The following RXRA variants were observed in gnomAD, a reference collection of about 807,000 sequenced individuals.
RXRA encodes retinoic acid receptor RXR-alpha.
Under a neutral mutation model 44.5 loss-of-function variants are expected in RXRA, and 5 were observed. The observed-to-expected ratio is 0.11, with a 90% CI of 0.06 to 0.24. RXRA has a LOEUF of 0.24. Ranked by LOEUF, RXRA falls within the 10% of genes least tolerant of loss-of-function variation. RXRA has a pLI of 1.00. For missense variants in RXRA, 412 were observed against 646.5 expected (o/e 0.64, Z 3.93); for synonymous variants, 291 against 271.4 (o/e 1.07, Z -0.71).
At chr9:134,436,391 C>T (rs1831621083) in intron 9 of RXRA, 76 bp from the exon 10 acceptor site, 1 of 1,478,712 alleles carries the variant, frequency 6.8e-7, no homozygotes, top group Non-Finnish European at 9.3e-7. Flanking sequence ...CAGCCCCATC[C>T]CCAGGGAGGC....
chr9:134,390,456 C>T (rs35100526), intron 1 of RXRA, among the ~76,000 whole-genome samples: 84,255 of 152,084 alleles, frequency 0.55, 24,516 homozygotes, highest in East Asian at 0.73. Flanking sequence ...ACAGCAGGCA[C>T]GGCAGCCAGG....
At chr9:134,413,120 G>A (rs1831176603) in intron 4 of RXRA, among the ~76,000 whole-genome samples, 1 of 152,248 alleles carries the variant, frequency 6.6e-6, no homozygotes, top group African/African-American at 2.4e-5. Context: ...AACTGGGCAA[G>A]TGACCTTGCC....
chr9:134,416,798 C>T (rs1831242396), intron 4 of RXRA, among the ~76,000 whole-genome samples: 1 of 152,194 alleles, frequency 6.6e-6, no homozygotes, highest in Non-Finnish European at 1.5e-5. Context: ...CCTCCTCTTC[C>T]AGTCACATTG....
At chr9:134,363,976 G>T (rs957595296) in intron 1 of RXRA, among the ~76,000 whole-genome samples, 22 of 152,210 alleles carry the variant, frequency 1.4e-4, no homozygotes, top group Non-Finnish European at 3.1e-4. Context: ...CTTGTGGTGG[G>T]CATACTGGGT....
chr9:134,395,691 T>C lies in RXRA; in HGVS notation c.29-5941T>C, dbSNP rs573317139. On this transcript the variant is annotated intron_variant, in intron 1 of 9. Transcript: ENST00000481739. ...CGAGGTGGGGGGCTGGACCTCCCCA[T>C]GGGGCCCCTTGGCATTGCCTTCAGG... 3.3e-5 allele frequency among the ~76,000 whole-genome samples: 5 copies of C among 152,290 alleles called. No individual in the cohort carries two copies. The South Asian group carries it at 1.0e-3, about 32-fold the overall frequency.
chr9:134,432,033 C>G (rs781010492), intron 8 of RXRA, 37 bp downstream of exon 8: 1 of 1,542,846 alleles, frequency 6.5e-7, no homozygotes, highest in Non-Finnish European at 8.9e-7. Context: ...TGGCCCCGTT[C>G]TCTGGTGGGG....
At chr9:134,346,128 T>TCTA (rs1830148282) in intron 1 of RXRA, among the ~76,000 whole-genome samples, 1 of 152,070 alleles carries the variant, frequency 6.6e-6, no homozygotes, top group South Asian at 2.1e-4. Flanking sequence ...GTCCCTCGGC[T>TCTA]CTACCACTGC....
At chr9:134,368,474 C>T (rs1196421879) in intron 1 of RXRA, among the ~76,000 whole-genome samples, 1 of 152,208 alleles carries the variant, frequency 6.6e-6, no homozygotes, top group African/African-American at 2.4e-5. Context: ...CAGAAGGCTG[C>T]AGAGAGCTGG....
intron 1 of RXRA, among the ~76,000 whole-genome samples, chr9:134,351,544 G>A (rs62576321): frequency 0.02 from 3,021 of 152,338 alleles, 102 homozygotes; most frequent in African/African-American, 0.067. Context: ...TCCCTGGCCT[G>A]TGAATATTTC....
intron 1 of RXRA, among the ~76,000 whole-genome samples, chr9:134,328,059 G>A (rs1246802878): frequency 1.3e-5 from 2 of 152,196 alleles, no homozygotes; most frequent in African/African-American, 2.4e-5. Context: ...GTACTGCTGA[G>A]TGTGAGGCAG....
intron 1 of RXRA, among the ~76,000 whole-genome samples, chr9:134,376,252 G>A (rs1173437998): frequency 1.3e-5 from 2 of 152,250 alleles, no homozygotes; most frequent in South Asian, 2.1e-4. Context: ...GCCAGCTGTC[G>A]CACCTCGCAG....
intron 1 of RXRA, among the ~76,000 whole-genome samples, chr9:134,385,784 C>G (rs1041681145): frequency 6.6e-6 from 1 of 152,254 alleles, no homozygotes; most frequent in Non-Finnish European, 1.5e-5. Flanking sequence ...CCATCGCCCC[C>G]CAGCACGCAG....
rs1260742242 is a variant in RXRA, at chr9:134,351,704, C to G, written c.28+25045C>G. Reference sequence around the variant, plus strand: ...TGACATTGCTGGTTAAAATGCCGTTCTGCGGCCCTCTTTAATTAAGGCCGA... The same window carrying G: ...TGACATTGCTGGTTAAAATGCCGTTGTGCGGCCCTCTTTAATTAAGGCCGA... On this transcript the variant is annotated intron_variant, in intron 1 of 9. Coordinates refer to ENST00000481739, the MANE Select transcript of RXRA (RefSeq NM_002957.6). Among the ~76,000 whole-genome samples, 3 of 152,258 alleles carry G rather than the reference C, an allele frequency of 2.0e-5. No individual in the cohort carries two copies. In the East Asian group the frequency reaches 5.8e-4, roughly 29 times the overall value.
chr9:134,398,314 T>G (rs11103586), intron 1 of RXRA, among the ~76,000 whole-genome samples: 20,302 of 152,138 alleles, frequency 0.13, 4,447 homozygotes, highest in African/African-American at 0.46. Flanking sequence ...ACGCCTATGG[T>G]AGCCACCACT....
chr9:134,357,806 T>C (rs540216995), intron 1 of RXRA, among the ~76,000 whole-genome samples: 134 of 152,310 alleles, frequency 8.8e-4, no homozygotes, highest in Non-Finnish European at 1.1e-3. Context: ...TATGTGTAAA[T>C]CACGGTTTCT....
Position 134,360,312 on chromosome 9 carries a change from G to A in RXRA, c.28+33653G>A, listed in dbSNP as rs149659695. Among the ~76,000 whole-genome samples, 171 of 152,336 alleles carry A rather than the reference G, an allele frequency of 1.1e-3. 1 individual carries two copies. The highest frequency in any genetic ancestry group is 3.8e-3 in the African/African-American group (160 of 41,582). ...CTGGCCTGTCGGGCGGCAGGGCAGA[G>A]CGAGCAGGAAGCGCTGGTTCCTTCT... On this transcript the variant is annotated intron_variant, in intron 1 of 9. Coordinates refer to ENST00000481739, the MANE Select transcript of RXRA (RefSeq NM_002957.6).
At chr9:134,333,400 T>C (rs1180086528) in intron 1 of RXRA, among the ~76,000 whole-genome samples, 5 of 152,098 alleles carry the variant, frequency 3.3e-5, no homozygotes, top group Non-Finnish European at 7.4e-5. Context: ...TAAGCCATAG[T>C]AATTTCCAGC....
intron 2 of RXRA, among the ~76,000 whole-genome samples, chr9:134,406,811 G>A (rs1278873905): frequency 6.6e-6 from 1 of 152,266 alleles, no homozygotes; most frequent in Admixed American, 6.5e-5. Context: ...CCCATGCAGG[G>A]AGTGTCAAGT....
intron 1 of RXRA, among the ~76,000 whole-genome samples, chr9:134,351,486 G>A (rs1830220896): frequency 1.3e-5 from 2 of 152,342 alleles, no homozygotes; most frequent in East Asian, 1.9e-4. Flanking sequence ...TCCCATGTGG[G>A]GAGCCCCAAT....
Sources: allele counts gnomAD v4.1 joint callset (sites outside exome capture counted in the v4.1 genomes callset), GRCh38; gene constraint gnomAD v4.1.1; transcripts MANE v1.5; gene names NCBI Gene and HGNC (gene_info 2026-07-23, HGNC 2026-07-21).